The following F11 variants were observed in gnomAD, a reference collection of about 807,000 sequenced individuals.
F11 encodes the protein coagualtion factor XI.
In F11, 78 loss-of-function variants were observed where a neutral mutation model predicts 76.5. That is an observed-to-expected ratio of 1.02 (90% CI 0.85 to 1.23). The LOEUF (loss-of-function observed/expected upper bound fraction) is 1.23, where lower values mean the gene tolerates loss of function less well. F11 is among the 50% of genes most tolerant of loss of function. The pLI is 0.00. For missense variants in F11, 742 were observed against 771.4 expected (o/e 0.96, Z 0.45); for synonymous variants, 278 against 276.3 (o/e 1.01, Z -0.06).
intron 7 of F11, among the ~76,000 whole-genome samples, chr4:186,276,641 C>G (rs1037411433): frequency 7.6e-6 from 1 of 132,042 alleles, no homozygotes; most frequent in African/African-American, 2.9e-5. Flanking sequence ...GGCTGGAGTG[C>G]GGTGGCATGA....
At chr4:186,288,408 G>A (rs377450848) in intron 14 of F11, 45 bp from the exon 15 acceptor site, 97 of 1,613,068 alleles carry the variant, frequency 6.0e-5, no homozygotes, top group Admixed American at 3.0e-4. Context: ...GATGGGAAGC[G>A]TCTGAGTTGA....
chr4:186,269,092 A>G (rs1481068631), intron 2 of F11, among the ~76,000 whole-genome samples: 1 of 152,222 alleles, frequency 6.6e-6, no homozygotes. Flanking sequence ...ATATGTACAA[A>G]TGTCCTAAAC....
chr4:186,289,833 C>T (rs1488872429), downstream of F11, among the ~76,000 whole-genome samples: 1 of 152,042 alleles, frequency 6.6e-6, no homozygotes, highest in African/African-American at 2.4e-5. Context: ...CAGGCACATG[C>T]CACCATGCCC....
intron 13 of F11, chr4:186,286,802 T>C: frequency 1.3e-6 from 1 of 751,012 alleles, no homozygotes; most frequent in Non-Finnish European, 1.6e-6. Context: ...CCAATTACTT[T>C]CTTGGGAAGT....
chr4:186,270,303 C>T (rs1739838824), intron 2 of F11, among the ~76,000 whole-genome samples: 1 of 152,206 alleles, frequency 6.6e-6, no homozygotes, highest in Admixed American at 6.5e-5. Context: ...GTTCCACATC[C>T]ATGCACTCAA....
chr4:186,288,978 A>G lies in F11; in HGVS notation c.*364A>G. 3.4e-6 allele frequency: 1 copy of G among 294,852 alleles called. No individual in the cohort carries two copies. The highest frequency in any genetic ancestry group is 6.6e-6 in the Non-Finnish European group (1 of 151,970). The allele number at this position is 294,852 out of a possible 1,614,324, so 18.3% of individuals were successfully genotyped here. A position where few individuals can be genotyped will look rare whatever the true frequency, so the allele number is the denominator to read the frequency against. ...ACTGGTAAAAGAAGCCACCATAAAT[A>G]GATTTGTTCGATGAAAGATGAAAAC... On this transcript the variant is annotated 3_prime_UTR_variant, in exon 15 of 15. Coordinates refer to ENST00000403665, the MANE Select transcript of F11 (RefSeq NM_000128.4).
intron 11 of F11, among the ~76,000 whole-genome samples, chr4:186,284,642 CGTGT>C (rs934373662): frequency 1.5e-4 from 21 of 141,008 alleles, no homozygotes; most frequent in Admixed American, 1.1e-3. Context: ...TGTGTGTGTG[CGTGT>C]GTGTTTAAAT....
intron 3 of F11, 53 bp from the exon 4 acceptor site, chr4:186,273,014 CCATT>C: frequency 8.6e-7 from 1 of 1,161,236 alleles, no homozygotes; most frequent in African/African-American, 1.5e-5. Context: ...CTTTTAAGAT[CCATT>C]ATTTTAAAAA....
chr4:186,281,992 G>C (rs1403760489), intron 10 of F11: 1 of 1,260,650 alleles, frequency 7.9e-7, no homozygotes, highest in East Asian at 5.8e-5. Flanking sequence ...TAAAAAGCAA[G>C]TCAATTACGT....
Position 186,280,477 on chromosome 4 carries a change from C to A in F11, c.1032C>A (p.Gly344=). ...PAQASCNEGK[G]KCYLKLSSNG... ...ACCGTTTTGTTTCCAACTGCAGGGGCAAGTGTTACTTAAAGCTTTCTTCAA... is the reference window on the plus strand; with the variant it reads ...ACCGTTTTGTTTCCAACTGCAGGGGAAAGTGTTACTTAAAGCTTTCTTCAA... The change falls in exon 10 of 15, where the codon GGC becomes GGA. Residue 344 remains glycine (G), a synonymous_variant. Transcript: ENST00000403665. 1 of 1,614,152 alleles carries A rather than the reference C, an allele frequency of 6.2e-7. No homozygotes were observed.
Position 186,286,490 on chromosome 4 carries a change from G to A in F11, c.1556G>A (p.Trp519Ter), listed in dbSNP as rs201007090. 1.3e-5 allele frequency: 21 copies of A among 1,613,778 alleles called. No homozygotes were observed. The East Asian group carries it at 2.9e-4, about 22-fold the overall frequency. Residue 519 changes from tryptophan (W) to a stop codon, truncating the protein, a stop_gained, in exon 13 of 15, where the codon TGG becomes TAG. Transcript: ENST00000403665. LOFTEE classifies it high-confidence loss of function. ...TACACTGATTGCTGGGTGACTGGAT[G>A]GGGGTACAGAAAACTAAGAGGTAAA... ...VIYTDCWVTGWGYRKLRDKIQ... is the reference protein window; with the variant it reads ...VIYTDCWVTG
At chr4:186,277,996 G>A (rs774673616) in intron 7 of F11, among the ~76,000 whole-genome samples, 2 of 151,940 alleles carry the variant, frequency 1.3e-5, no homozygotes, top group African/African-American at 4.8e-5. Flanking sequence ...ACAGAGTTTC[G>A]CCATGTTGGC....
chr4:186,275,689 G>A (rs370505848), intron 5 of F11, 98 bp from the exon 6 acceptor site: 18 of 866,174 alleles, frequency 2.1e-5, no homozygotes, highest in Middle Eastern at 4.3e-4. Flanking sequence ...TCGGGGTCTC[G>A]CAGGTCCTCT....
In F11 at chr4:186,282,790, C is replaced by T. The variant is rs967018664; in HGVS notation, c.1136-1302C>T. 1.1e-5 allele frequency: 11 copies of T among 985,384 alleles called. No individual in the cohort carries two copies. The South Asian group carries it at 1.4e-4, about 13-fold the overall frequency. The allele number at this position is 985,384 out of a possible 1,614,324, so 61.0% of individuals were successfully genotyped here. A position where few individuals can be genotyped will look rare whatever the true frequency, so the allele number is the denominator to read the frequency against. On this transcript the variant is annotated intron_variant, in intron 10 of 14. Coordinates refer to ENST00000403665, the MANE Select transcript of F11 (RefSeq NM_000128.4). ...TCTGTTCAGGCTTCCGAAGTCACAT[C>T]GTGCTCGTTCTCACCTCAGTTGCTG...
At chr4:186,274,348 C>G in intron 5 of F11, 73 bp downstream of exon 5, 1 of 1,579,176 alleles carries the variant, frequency 6.3e-7, no homozygotes, top group East Asian at 2.2e-5. Context: ...CTTTTGCCAT[C>G]AACTTTATGC....
intron 11 of F11, 82 bp downstream of exon 11, chr4:186,284,342 C>T (rs1241216874): frequency 2.3e-6 from 3 of 1,313,584 alleles, no homozygotes; most frequent in Non-Finnish European, 3.2e-6. Flanking sequence ...GAAATAAATA[C>T]TTTAACCAAT....
intron 4 of F11, 101 bp from the exon 5 acceptor site, chr4:186,274,015 G>T (rs772001103): frequency 1.4e-4 from 179 of 1,319,638 alleles, no homozygotes; most frequent in Non-Finnish European, 1.8e-4. Flanking sequence ...TCTGAGGAAA[G>T]GTGGGTGAAA....
chr4:186,276,689 C>A (rs375665148), intron 7 of F11, among the ~76,000 whole-genome samples: 1 of 149,034 alleles, frequency 6.7e-6, no homozygotes, highest in Non-Finnish European at 1.5e-5. Flanking sequence ...CAGGTCCAAG[C>A]GATTCTCCTG....
At chr4:186,275,450 G>T (rs997751257) in intron 5 of F11, among the ~76,000 whole-genome samples, 11 of 152,082 alleles carry the variant, frequency 7.2e-5, no homozygotes, top group African/African-American at 2.7e-4. Context: ...AGCCAAGATC[G>T]TGCCATTGCA....
Sources: allele counts gnomAD v4.1 joint callset (sites outside exome capture counted in the v4.1 genomes callset), GRCh38; gene constraint gnomAD v4.1.1; transcripts MANE v1.5; gene names NCBI Gene and HGNC (gene_info 2026-07-23, HGNC 2026-07-21).